LMNTD1: variants seen among roughly 807,000 people sequenced by gnomAD.
LMNTD1 encodes the protein lamin tail domain containing 1.
LMNTD1 carries 35 observed loss-of-function variants against 50.9 expected under a neutral mutation model. The observed-to-expected ratio is 0.69, with a 90% CI of 0.53 to 0.91. The LOEUF is 0.91. Ranked by LOEUF, LMNTD1 falls within the 40% of genes least tolerant of loss-of-function variation. LMNTD1 has a pLI of 0.00. For missense variants in LMNTD1, 470 were observed against 475.5 expected (o/e 0.99, Z 0.11); for synonymous variants, 153 against 161.9 (o/e 0.94, Z 0.42).
intron 4 of LMNTD1, among the ~76,000 whole-genome samples, chr12:25,542,374 T>C (rs540323716): frequency 1.3e-5 from 2 of 150,394 alleles, no homozygotes; most frequent in Non-Finnish European, 3.0e-5. Context: ...ATATACACCA[T>C]GGAATACTAT....
At chr12:25,617,795 T>A (rs1213280463) in intron 1 of LMNTD1, among the ~76,000 whole-genome samples, 1 of 152,212 alleles carries the variant, frequency 6.6e-6, no homozygotes, top group African/African-American at 2.4e-5. Flanking sequence ...TCTTGATTGA[T>A]GGTGTGTGAG....
At chr12:25,486,150 C>T (rs1938628843) in intron 9 of LMNTD1, among the ~76,000 whole-genome samples, 1 of 130,512 alleles carries the variant, frequency 7.7e-6, no homozygotes, top group African/African-American at 2.9e-5. Context: ...ATGGAATGTT[C>T]TTCCATTTGT....
At chr12:25,583,901 G>T (rs1945412677) in intron 1 of LMNTD1, among the ~76,000 whole-genome samples, 1 of 152,160 alleles carries the variant, frequency 6.6e-6, no homozygotes, top group Non-Finnish European at 1.5e-5. Flanking sequence ...TCATGATCTG[G>T]CTTGTGTCTT....
chr12:25,604,140 G>C (rs1946042700), intron 1 of LMNTD1, among the ~76,000 whole-genome samples: 2 of 152,126 alleles, frequency 1.3e-5, no homozygotes, highest in South Asian at 2.1e-4. Context: ...TTCCTCTTAA[G>C]AGTACCTGCC....
chr12:25,503,071 CAT>C (rs991791841), intron 9 of LMNTD1: 3 of 152,262 alleles, frequency 2.0e-5, no homozygotes, highest in African/African-American at 4.8e-5. Context: ...AACAAGAAAA[CAT>C]ATAAATAGAC....
intron 1 of LMNTD1, among the ~76,000 whole-genome samples, chr12:25,603,464 T>C (rs1339986079): frequency 6.6e-6 from 1 of 152,050 alleles, no homozygotes. Context: ...TGACTGTTTG[T>C]ACACATAGTC....
chr12:25,591,482 C>T (rs1259034735), intron 1 of LMNTD1, among the ~76,000 whole-genome samples: 1 of 152,100 alleles, frequency 6.6e-6, no homozygotes, highest in Non-Finnish European at 1.5e-5. Context: ...GCCATCTCAG[C>T]TGCAGAACAA....
At chr12:25,576,196 G>T (rs559768293) in intron 1 of LMNTD1, among the ~76,000 whole-genome samples, 19 of 152,280 alleles carry the variant, frequency 1.2e-4, no homozygotes, top group African/African-American at 2.6e-4. Flanking sequence ...AATCCTTTGG[G>T]TATATGTCCA....
chr12:25,544,388 CT>C (rs1943296964), intron 4 of LMNTD1, among the ~76,000 whole-genome samples: 2 of 151,692 alleles, frequency 1.3e-5, no homozygotes, highest in Admixed American at 1.3e-4. Flanking sequence ...TACTCCTACT[CT>C]TTTTTGGTTT....
rs76257491 is a variant in LMNTD1 at position 25,573,744 on chromosome 12, C to T, written c.59-27190G>A. ...TAGCCTAAATCAATCCTTTTCCTCG[C>T]GGCTTGATTTTGATCTTTCACTTTT... On this transcript the variant is annotated intron_variant, in intron 1 of 7. Coordinates refer to the LMNTD1 transcript ENST00000445693. Among the ~76,000 whole-genome samples the T allele has an allele frequency of 8.2e-3, 1,241 of 152,212 alleles. 24 individuals carry two copies. Among genetic ancestry groups the T allele is most frequent in the East Asian group, 0.072 (371 of 5,178 alleles).
upstream of LMNTD1, among the ~76,000 whole-genome samples, chr12:25,555,918 C>T (rs191909386): frequency 8.2e-4 from 122 of 148,604 alleles, 1 homozygote; most frequent in Middle Eastern, 3.5e-3. Flanking sequence ...AGGAGAGGGT[C>T]AGCAAGAACT....
intron 1 of LMNTD1, among the ~76,000 whole-genome samples, chr12:25,608,276 C>T (rs1946161888): frequency 6.6e-6 from 1 of 152,162 alleles, no homozygotes; most frequent in Non-Finnish European, 1.5e-5. Flanking sequence ...TGGATCTTGA[C>T]TCTTAATCCA....
chr12:25,575,937 G>A (rs1398848474), intron 1 of LMNTD1, among the ~76,000 whole-genome samples: 1 of 152,112 alleles, frequency 6.6e-6, no homozygotes, highest in African/African-American at 2.4e-5. Flanking sequence ...GAGAACATGG[G>A]GTGTTTGGTT....
chr12:25,576,024 C>T (rs537417859), intron 1 of LMNTD1, among the ~76,000 whole-genome samples: 397 of 152,270 alleles, frequency 2.6e-3, no homozygotes, highest in Non-Finnish European at 4.9e-3. Context: ...AGGAACTCAT[C>T]CTTTTTTATG....
chr12:25,548,092 A>G (rs1255526733), intron 3 of LMNTD1, among the ~76,000 whole-genome samples: 2 of 151,900 alleles, frequency 1.3e-5, no homozygotes, highest in Non-Finnish European at 2.9e-5. Context: ...CATTTTCAGT[A>G]TATGGGTTTT....
intron 9 of LMNTD1, among the ~76,000 whole-genome samples, chr12:25,481,405 C>T (rs1402139322): frequency 1.3e-5 from 2 of 152,184 alleles, no homozygotes; most frequent in Non-Finnish European, 2.9e-5. Flanking sequence ...GCACAGAGAA[C>T]ATAGCAGGCA....
At chr12:25,634,754 G>A (rs982873612) in intron 1 of LMNTD1, among the ~76,000 whole-genome samples, 2 of 152,074 alleles carry the variant, frequency 1.3e-5, no homozygotes, top group African/African-American at 4.8e-5. Flanking sequence ...CACAAAACAA[G>A]GATGCCCACT....
chr12:25,489,141 A>T (rs368811880), intron 9 of LMNTD1, among the ~76,000 whole-genome samples: 16 of 151,970 alleles, frequency 1.1e-4, no homozygotes, highest in Non-Finnish European at 1.6e-4. Flanking sequence ...CTCCTTGAAC[A>T]GTGGTGGGCT....
Position 25,523,723 on chromosome 12 carries a change from T to A in LMNTD1, c.798+2376A>T, listed in dbSNP as rs570814433. 5.9e-5 allele frequency among the ~76,000 whole-genome samples: 9 copies of A among 152,188 alleles called. 1 individual carries two copies. Among genetic ancestry groups the A allele is most frequent in the Admixed American group, 2.0e-4 (3 of 15,282 alleles). The stretch of plus-strand genomic sequence containing the variant: ...TTTCAAGCTGATTTTAAAGTCACAT[T>A]TCCACCTATTTAAGGGAAATACTTT... On this transcript the variant is annotated intron_variant, in intron 6 of 9. Coordinates refer to ENST00000458174, the MANE Select transcript of LMNTD1 (RefSeq NM_001145728.2).
Sources: allele counts gnomAD v4.1 joint callset (sites outside exome capture counted in the v4.1 genomes callset), GRCh38; gene constraint gnomAD v4.1.1; transcripts MANE v1.5; gene names NCBI Gene and HGNC (gene_info 2026-07-23, HGNC 2026-07-21).